The following SORBS2 variants were observed in gnomAD, a reference collection of about 807,000 sequenced individuals.
The protein encoded by SORBS2 is sorbin and SH3 domain containing 2, also known as sorbin and SH3 domain-containing protein 2.
Under a neutral mutation model 97.7 loss-of-function variants are expected in SORBS2, and 46 were observed. That is an observed-to-expected ratio of 0.47 (90% confidence interval 0.37 to 0.60). The LOEUF (loss-of-function observed/expected upper bound fraction) is 0.60. Among genes scored for constraint, SORBS2 ranks in the 20% least tolerant of loss-of-function variants. The pLI, the probability that SORBS2 is intolerant of heterozygous loss-of-function variation, is 0.00. For synonymous variants in SORBS2, 476 were observed against 473.4 expected, an observed-to-expected ratio of 1.01 and a Z score of -0.07; for missense variants, 1,316 against 1,282.3, an observed-to-expected ratio of 1.03 and a Z score of -0.40.
intron 1 of SORBS2, among the ~76,000 whole-genome samples, chr4:185,928,520 A>T (rs938252223): frequency 6.6e-6 from 1 of 152,128 alleles, no homozygotes; most frequent in Non-Finnish European, 1.5e-5. Flanking sequence ...GGGCCCCAGT[A>T]TCTCATGGAT....
intron 1 of SORBS2, among the ~76,000 whole-genome samples, chr4:185,887,960 ATGTGTGTGTGTGTGTG>A (rs60130240): frequency 2.6e-5 from 1 of 38,458 alleles, no homozygotes; most frequent in Non-Finnish European, 8.3e-5. Context: ...GTATATATAT[ATGTGTGTGTGTGTGTG>A]TGTGTGTGTG....
chr4:185,758,248 C>G (rs1332891158), intron 2 of SORBS2, among the ~76,000 whole-genome samples: 5 of 152,152 alleles, frequency 3.3e-5, no homozygotes, highest in African/African-American at 1.2e-4. Flanking sequence ...AGCATTCCAC[C>G]AAATTGCTCT....
At chr4:185,642,541 G>A (rs2097143589) in intron 4 of SORBS2, among the ~76,000 whole-genome samples, 1 of 152,072 alleles carries the variant, frequency 6.6e-6, no homozygotes, top group East Asian at 1.9e-4. Context: ...ATACGGTTCT[G>A]ATTTGTGGTT....
chr4:185,861,165 T>C (rs1306791711), intron 1 of SORBS2, among the ~76,000 whole-genome samples: 1 of 152,140 alleles, frequency 6.6e-6, no homozygotes, highest in Non-Finnish European at 1.5e-5. Flanking sequence ...ATGTTCATGC[T>C]GGTCAGTGCC....
intron 1 of SORBS2, among the ~76,000 whole-genome samples, chr4:185,799,736 T>C (rs939613865): frequency 5.9e-5 from 9 of 152,170 alleles, no homozygotes; most frequent in African/African-American, 1.2e-4. Flanking sequence ...CTTCTTTGCG[T>C]CAGATGCAGT....
intron 1 of SORBS2, among the ~76,000 whole-genome samples, chr4:185,878,105 A>G (rs1321623947): frequency 6.6e-6 from 1 of 152,146 alleles, no homozygotes; most frequent in Admixed American, 6.5e-5. Context: ...TGAAAAAGAA[A>G]AGAGCCAATT....
intron 2 of SORBS2, among the ~76,000 whole-genome samples, chr4:185,768,713 A>AAAT (rs2098951789): frequency 3.4e-5 from 2 of 59,446 alleles, no homozygotes; most frequent in African/African-American, 1.7e-4. Context: ...AAAAAAAAAC[A>AAAT]AAAAAACAAA....
At chr4:185,805,507 G>A (rs193127383) in intron 1 of SORBS2, among the ~76,000 whole-genome samples, 2 of 152,230 alleles carry the variant, frequency 1.3e-5, no homozygotes, top group African/African-American at 2.4e-5. Context: ...ATTCTAAAGC[G>A]AGTCAAGTTT....
intron 1 of SORBS2, among the ~76,000 whole-genome samples, chr4:185,806,434 CTA>C (rs2099154029): frequency 9.2e-6 from 1 of 108,110 alleles, no homozygotes; most frequent in Non-Finnish European, 1.8e-5. Flanking sequence ...GGCTAGAATC[CTA>C]TTTTTTTTTT....
chr4:185,947,602 T>C (rs1302346108), intron 1 of SORBS2, among the ~76,000 whole-genome samples: 1 of 123,244 alleles, frequency 8.1e-6, no homozygotes, highest in Non-Finnish European at 1.8e-5. Context: ...CAAAATCTCT[T>C]TTTTCTTGGG....
chr4:185,698,111 G>T (rs1401574335), intron 2 of SORBS2, among the ~76,000 whole-genome samples: 1 of 152,148 alleles, frequency 6.6e-6, no homozygotes, highest in African/African-American at 2.4e-5. Flanking sequence ...ATACTCAAAA[G>T]TAGTTCATCT....
At chr4:185,697,517 A>C (rs1443624791) in intron 2 of SORBS2, among the ~76,000 whole-genome samples, 1 of 152,224 alleles carries the variant, frequency 6.6e-6, no homozygotes, top group African/African-American at 2.4e-5. Flanking sequence ...AAAATAGTTG[A>C]ATCAAACCCT....
chr4:185,784,841 TC>T (rs1219580993), intron 1 of SORBS2, among the ~76,000 whole-genome samples: 1 of 152,206 alleles, frequency 6.6e-6, no homozygotes, highest in Admixed American at 6.5e-5. Context: ...CATTATCATT[TC>T]CTAATGGAGC....
chr4:185,781,094 C>T (rs769766872), intron 1 of SORBS2, among the ~76,000 whole-genome samples: 4 of 152,082 alleles, frequency 2.6e-5, no homozygotes, highest in Non-Finnish European at 4.4e-5. Flanking sequence ...TGCGCCACCA[C>T]ACCTGGCTAA....
intron 4 of SORBS2, among the ~76,000 whole-genome samples, chr4:185,631,362 T>A (rs1353962218): frequency 2.6e-5 from 4 of 152,230 alleles, no homozygotes; most frequent in African/African-American, 9.6e-5. Flanking sequence ...ATGAATTTTT[T>A]ATTTTCCATG....
At chr4:185,842,658 C>T (rs902882765) in intron 1 of SORBS2, among the ~76,000 whole-genome samples, 4 of 152,142 alleles carry the variant, frequency 2.6e-5, no homozygotes, top group East Asian at 1.9e-4. Flanking sequence ...TAAATTTGGC[C>T]GGGTGCAGTG....
chr4:185,610,682 T>C (rs1427828924), intron 12 of SORBS2, among the ~76,000 whole-genome samples: 3 of 152,158 alleles, frequency 2.0e-5, no homozygotes, highest in African/African-American at 7.2e-5. Context: ...GGATGCTATC[T>C]TGAAACAGTT....
chr4:185,718,081 A>G (rs1452914687), intron 2 of SORBS2, among the ~76,000 whole-genome samples: 1 of 152,176 alleles, frequency 6.6e-6, no homozygotes, highest in East Asian at 1.9e-4. Flanking sequence ...AAATACAAAA[A>G]TTAGCTGGGT....
chr4:185,695,139 C>T (rs34636498), intron 2 of SORBS2, among the ~76,000 whole-genome samples: 17,197 of 152,086 alleles, frequency 0.11, 1,035 homozygotes, highest in Middle Eastern at 0.2. Context: ...GAGTTTGATC[C>T]TGCATGGGCA....
Sources: allele counts gnomAD v4.1 joint callset (sites outside exome capture counted in the v4.1 genomes callset), GRCh38; gene constraint gnomAD v4.1.1; transcripts MANE v1.5; gene names NCBI Gene and HGNC (gene_info 2026-07-23, HGNC 2026-07-21).